DELE1: variants seen among roughly 807,000 people sequenced by gnomAD.
DELE1 encodes the protein DAP3 binding cell death enhancer 1.
In DELE1, 54 loss-of-function variants were observed where a neutral mutation model predicts 59.3. The ratio of observed to expected loss-of-function variants is 0.91; its 90% CI spans 0.73 to 1.14. DELE1 has a LOEUF of 1.14. DELE1 is among the 50% of genes most tolerant of loss of function. The probability of loss-of-function intolerance (pLI) is 0.00; values close to 1 mark genes in which losing one functional copy is unlikely to be tolerated. For synonymous variants in DELE1, 264 were observed against 259.1 expected (o/e 1.02, Z -0.18); for missense variants, 636 against 643.9 (o/e 0.99, Z 0.13).
Position 141,938,651 on chromosome 5 carries a change from C to A in DELE1, c.1440C>A (p.Leu480=), listed in dbSNP as rs114133354. The A allele has an allele frequency of 6.2e-7, 1 of 1,614,140 alleles. No individual in the cohort carries two copies. The highest frequency in any genetic ancestry group is 8.5e-7 in the Non-Finnish European group (1 of 1,180,028). Residue 480 remains leucine (L), a synonymous_variant, in exon 12 of 12, where the codon CTC becomes CTA. Transcript: ENST00000432126. ...PHASSTGNLG[L]LCRSGHLGAS... ...CCTCGAGCACAGGCAACCTTGGCCT[C>A]CTCTGCAGAAGTGGGCATCTCGGAG...
Position 141,928,253 on chromosome 5 carries a change from C to G in DELE1, c.367C>G (p.Pro123Ala). 6.2e-7 allele frequency: 1 copy of G among 1,614,208 alleles called. No homozygotes were observed. Among genetic ancestry groups the G allele is most frequent in the Non-Finnish European group, 8.5e-7 (1 of 1,180,014 alleles). Residue 123 changes from proline (P) to alanine (A), a missense_variant, in exon 4 of 12, where the codon CCC becomes GCC. Coordinates refer to ENST00000432126, the MANE Select transcript of DELE1 (RefSeq NM_014773.5). ...GGTAGAACACTGCTCCTGGCACAGT[C>G]CCCTGGACCGTTTCTTCTCATCTCC... is the stretch of plus-strand genomic sequence containing the variant. ...QRVEHCSWHS[P>A]LDRFFSSPLW...
At chr5:141,929,539 C>T (rs938218791) in intron 4 of DELE1, 43 bp from the exon 5 acceptor site, 18 of 1,597,086 alleles carry the variant, frequency 1.1e-5, no homozygotes, top group African/African-American at 2.7e-5. Flanking sequence ...TGTGAGCCAT[C>T]GCGCCTGGCC....
rs1752752099 is a variant in DELE1, at chr5:141,941,786, GTTC to G, written c.*3028_*3030del. 1.0e-6 allele frequency: 1 copy of G among 985,172 alleles called. No individual in the cohort carries two copies. Among genetic ancestry groups the G allele is most frequent in the South Asian group, 4.7e-5 (1 of 21,286 alleles). The allele number at this position is 985,172 out of a possible 1,614,324, so 61.0% of individuals were successfully genotyped here. On this transcript the variant is annotated 3_prime_UTR_variant, in exon 12 of 12. Coordinates refer to ENST00000432126, the MANE Select transcript of DELE1 (RefSeq NM_014773.5). ...CTAATATAGTGTGGGGCACTCAGAT[GTTC>G]AGTAAATATACATTCAACAAATAAG...
intron 7 of DELE1, among the ~76,000 whole-genome samples, chr5:141,931,455 C>G (rs1383619125): frequency 1.3e-5 from 2 of 152,118 alleles, no homozygotes; most frequent in Non-Finnish European, 2.9e-5. Flanking sequence ...AGGGGGCAGC[C>G]ACATGATCTG....
At chr5:141,937,770 CAAA>C (rs1172381549) in intron 11 of DELE1, among the ~76,000 whole-genome samples, 12 of 61,262 alleles carry the variant, frequency 2.0e-4, no homozygotes, top group South Asian at 6.0e-4. Flanking sequence ...GATTCTGTTT[CAAA>C]AAAAAAAAAA....
In DELE1 at chr5:141,926,312, C is replaced by T. The variant is rs534397027; in HGVS notation, c.264+785C>T. 3.3e-5 allele frequency among the ~76,000 whole-genome samples: 5 copies of T among 152,188 alleles called. No individual in the cohort carries two copies. The East Asian group carries it at 5.8e-4, about 18-fold the overall frequency. On this transcript the variant is annotated intron_variant, in intron 3 of 11. Coordinates refer to ENST00000432126, the MANE Select transcript of DELE1 (RefSeq NM_014773.5). ...AGGCTCTGAAATATTAGGTAACATGCGTAGGGTCTCATACCTGTTAAGTGG... is the reference window on the plus strand; with the variant it reads ...AGGCTCTGAAATATTAGGTAACATGTGTAGGGTCTCATACCTGTTAAGTGG...
Position 141,930,203 on chromosome 5 carries a change from C to G in DELE1, c.683C>G (p.Ser228Cys). The part of the protein sequence containing the change: ...EKEQDKSKTL[S>C]LEEAVTSIQQ... ...GAACAAGATAAATCAAAAACTCTTT[C>G]CCTTGAGGAGGCTGTGACTTCCATT... Residue 228 changes from serine (S) to cysteine (C), a missense_variant, in exon 7 of 12, where the codon TCC becomes TGC. Coordinates refer to ENST00000432126, the MANE Select transcript of DELE1 (RefSeq NM_014773.5). 6.2e-7 allele frequency: 1 copy of G among 1,613,808 alleles called. No individual in the cohort carries two copies. Among genetic ancestry groups the G allele is most frequent in the Non-Finnish European group, 8.5e-7 (1 of 1,179,698 alleles).
intron 10 of DELE1, chr5:141,936,771 G>C: frequency 4.6e-6 from 3 of 646,966 alleles, no homozygotes; most frequent in Non-Finnish European, 5.7e-6. Flanking sequence ...TTCCTTTTCT[G>C]TCAGCCCTCC....
chr5:141,940,223 G>A lies in DELE1; in HGVS notation c.*1464G>A, dbSNP rs557056753. 1.0e-5 allele frequency: 10 copies of A among 985,242 alleles called. No individual in the cohort carries two copies. Among genetic ancestry groups the A allele is most frequent in the African/African-American group, 1.7e-5 (1 of 57,196 alleles). The allele number at this position is 985,242 out of a possible 1,614,324, so 61.0% of individuals were successfully genotyped here. ...AGGGGGAGCTGAAAGCTGAGGCTCC[G>A]TCCTCATCTCTAAACTCTCCACTAA... On this transcript the variant is annotated 3_prime_UTR_variant, in exon 12 of 12. Coordinates refer to ENST00000432126, the MANE Select transcript of DELE1 (RefSeq NM_014773.5).
chr5:141,935,967 T>G (rs922152395), intron 10 of DELE1, among the ~76,000 whole-genome samples: 1 of 152,178 alleles, frequency 6.6e-6, no homozygotes, highest in Admixed American at 6.5e-5. Context: ...TCTGTCATGT[T>G]TGTTGGAGAG....
In DELE1 at chr5:141,934,241, C is replaced by T. The variant is rs1307674348; in HGVS notation, c.899C>T (p.Ala300Val). Residue 300 changes from alanine to valine, a missense_variant and splice_region_variant, in exon 9 of 12, where the codon GCG (alanine) becomes GTG (valine). Transcript: ENST00000432126. ...TGGGTGTTTCTCCCTTTGCCCCAGGCGGTCCTTTATTATCAGTTGGCTGCC... is the reference window on the plus strand; with the variant it reads ...TGGGTGTTTCTCCCTTTGCCCCAGGTGGTCCTTTATTATCAGTTGGCTGCC... Reference protein sequence around the residue: ...GRGTPRDISKAVLYYQLAASQ... With the variant: ...GRGTPRDISKVVLYYQLAASQ... 12 of 1,603,998 alleles carry T rather than the reference C, an allele frequency of 7.5e-6. No homozygotes were observed. Among genetic ancestry groups the T allele is most frequent in the East Asian group, 2.2e-5 (1 of 44,646 alleles).
chr5:141,936,623 CG>C (rs1397956458), intron 10 of DELE1, among the ~76,000 whole-genome samples: 1 of 152,034 alleles, frequency 6.6e-6, no homozygotes, highest in East Asian at 1.9e-4. Flanking sequence ...TTTTTAGAGA[CG>C]GGGTTTCACT....
At chr5:141,930,556 A>T (rs139055126) in intron 7 of DELE1, among the ~76,000 whole-genome samples, 1 of 152,300 alleles carries the variant, frequency 6.6e-6, no homozygotes, top group East Asian at 1.9e-4. Flanking sequence ...AAGCTAAAGG[A>T]TCACTCCTTC....
rs1752544341 is a variant in DELE1, at chr5:141,938,518, T to C, written c.1310-3T>C. On this transcript the variant is annotated splice_polypyrimidine_tract_variant and splice_region_variant and intron_variant, in intron 11 of 11. Coordinates refer to ENST00000432126, the MANE Select transcript of DELE1 (RefSeq NM_014773.5). Reference sequence around the variant, plus strand: ...TAAGAGTTGCTCTCACCTCTTCTTGTAGCCCCGGGGCCCAGCGACCTGACA... The same window carrying C: ...TAAGAGTTGCTCTCACCTCTTCTTGCAGCCCCGGGGCCCAGCGACCTGACA... 1.2e-6 allele frequency: 2 copies of C among 1,613,328 alleles called. No homozygotes were observed. The highest frequency in any genetic ancestry group is 1.7e-6 in the Non-Finnish European group (2 of 1,179,502).
rs1752719878 is a variant in DELE1, at chr5:141,941,229, T to G, written c.*2470T>G. On this transcript the variant is annotated 3_prime_UTR_variant, in exon 12 of 12. Coordinates refer to ENST00000432126, the MANE Select transcript of DELE1 (RefSeq NM_014773.5). The stretch of plus-strand genomic sequence containing the variant: ...AGTCTGGCCACTGGGCGTCCTGTGG[T>G]GAAGGCCAGATGCAGCCCTCCCTGA... 1.0e-6 allele frequency: 1 copy of G among 985,464 alleles called. No individual in the cohort carries two copies. Among genetic ancestry groups the G allele is most frequent in the African/African-American group, 1.7e-5 (1 of 57,364 alleles). The allele number at this position is 985,464 out of a possible 1,614,324, so 61.0% of individuals were successfully genotyped here. A position where few individuals can be genotyped will look rare whatever the true frequency, so the allele number is the denominator to read the frequency against.
At chr5:141,930,324 G>A (rs1339534455) in intron 7 of DELE1, 50 bp downstream of exon 7, 1 of 1,319,552 alleles carries the variant, frequency 7.6e-7, no homozygotes, top group South Asian at 1.2e-5. Context: ...AAATGGAAAG[G>A]GTATGGGGTA....
At position 141,939,075 on chromosome 5, in the gene DELE1, A is replaced by G. The variant is rs1381456500; in HGVS notation, c.*316A>G. The stretch of plus-strand genomic sequence containing the variant: ...CCTTAGCCTTTGTCTTTGAGCAAAT[A>G]ACTTACCTTCTTCCTTCTTATGCCT... On this transcript the variant is annotated 3_prime_UTR_variant, in exon 12 of 12. Transcript: ENST00000432126. 1.6e-5 allele frequency: 18 copies of G among 1,096,768 alleles called. No homozygotes were observed. The highest frequency in any genetic ancestry group is 2.0e-5 in the Non-Finnish European group (18 of 900,278). The allele number at this position is 1,096,768 out of a possible 1,614,324, so 67.9% of individuals were successfully genotyped here. A position where few individuals can be genotyped will look rare whatever the true frequency, so the allele number is the denominator to read the frequency against.
Position 141,939,121 on chromosome 5 carries a change from C to T in DELE1, c.*362C>T. 9.8e-7 allele frequency: 1 copy of T among 1,017,138 alleles called. No homozygotes were observed. The highest frequency in any genetic ancestry group is 1.2e-6 in the Non-Finnish European group (1 of 849,458). The allele number at this position is 1,017,138 out of a possible 1,614,324, so 63.0% of individuals were successfully genotyped here. A position where few individuals can be genotyped will look rare whatever the true frequency, so the allele number is the denominator to read the frequency against. On this transcript the variant is annotated 3_prime_UTR_variant, in exon 12 of 12. Coordinates refer to ENST00000432126, the MANE Select transcript of DELE1 (RefSeq NM_014773.5). ...TGCCTGGGTTTTCTCACACTTAAAT[C>T]TGTACTACTGTTTGCCAATGTCTGA...
intron 11 of DELE1, among the ~76,000 whole-genome samples, chr5:141,937,840 T>C (rs1378204056): frequency 2.0e-5 from 3 of 151,062 alleles, no homozygotes; most frequent in Admixed American, 6.6e-5. Context: ...TTGTTTTTTT[T>C]TGAGATGATG....
Sources: allele counts gnomAD v4.1 joint callset (sites outside exome capture counted in the v4.1 genomes callset), GRCh38; gene constraint gnomAD v4.1.1; transcripts MANE v1.5; gene names NCBI Gene and HGNC (gene_info 2026-07-23, HGNC 2026-07-21).